Variants in KIR3DL2 observed in about 807,000 individuals in gnomAD.
The protein encoded by KIR3DL2 is killer cell immunoglobulin like receptor, three Ig domains and long cytoplasmic tail 2.
In KIR3DL2, 42 loss-of-function variants were observed where a neutral mutation model predicts 41.6. The observed-to-expected ratio is 1.01, with a 90% CI of 0.79 to 1.31. KIR3DL2 has a LOEUF of 1.31. KIR3DL2 is among the 50% of genes most tolerant of loss of function. KIR3DL2 has a pLI of 0.00. For synonymous variants in KIR3DL2, 230 were observed against 221.3 expected (o/e 1.04, Z -0.35); for missense variants, 728 against 576.8 (o/e 1.26, Z -2.68).
chr19:54,866,179 A>G (rs952154758), intron 7 of KIR3DL2, among the ~76,000 whole-genome samples, 191 bp from the exon 8 acceptor site: 3 of 152,042 alleles, frequency 2.0e-5, no homozygotes, highest in African/African-American at 7.2e-5. Flanking sequence ...GACAGAATCA[A>G]TGGGATGCCA....
rs1172682897 is a variant in KIR3DL2 at position 54,866,584 on chromosome 19, A to G, written c.1221A>G (p.Ile407Met). 6.2e-7 allele frequency: 1 copy of G among 1,614,024 alleles called. No homozygotes were observed. The highest frequency in any genetic ancestry group is 1.7e-5 in the Admixed American group (1 of 60,018). ...TYAQLDHCVF[I>M]QRKISRPSQR... The stretch of plus-strand genomic sequence containing the variant: ...CACAGTTGGATCACTGCGTTTTCAT[A>G]CAGAGAAAAATCAGTCGCCCTTCTC... Residue 407 changes from isoleucine (I) to methionine (M), a missense_variant, in exon 9 of 9, where the codon ATA (isoleucine) becomes ATG (methionine). Transcript: ENST00000326321.
chr19:54,851,704 C>T (rs1468058328), intron 2 of KIR3DL2, among the ~76,000 whole-genome samples: 2 of 151,720 alleles, frequency 1.3e-5, no homozygotes, highest in Non-Finnish European at 2.9e-5. Context: ...GCTGATATTC[C>T]ATTCACATAG....
chr19:54,865,432 G>A (rs537037331), intron 6 of KIR3DL2, among the ~76,000 whole-genome samples: 29 of 152,058 alleles, frequency 1.9e-4, no homozygotes, highest in African/African-American at 4.6e-4. Flanking sequence ...CCAGCCCTCC[G>A]GGAACTAATA....
chr19:54,850,471 G>A lies in KIR3DL2; in HGVS notation c.-5G>A. 1 of 1,608,464 alleles carries A rather than the reference G, an allele frequency of 6.2e-7. No individual in the cohort carries two copies. The highest frequency in any genetic ancestry group is 8.5e-7 in the Non-Finnish European group (1 of 1,179,824). On this transcript the variant is annotated 5_prime_UTR_variant, in exon 1 of 9. Coordinates refer to ENST00000326321, the MANE Select transcript of KIR3DL2 (RefSeq NM_006737.4). ...GCGCGGCCTCCTGTCTGCACCGGCA[G>A]CACCATGTCGCTCACGGTCGTCAGC...
In KIR3DL2 at chr19:54,855,719, C is replaced by G. The variant is rs374110425; in HGVS notation, c.756C>G (p.Ile252Met). The change falls in exon 5 of 9, where the codon ATC becomes ATG. Residue 252 changes from isoleucine to methionine, a missense_variant. Physicochemically the swap from Ile to Met is conservative, Grantham distance 10. Transcript: ENST00000326321. ...LSCSSWSSYD[I>M]YHLSREGEAH... Reference sequence around the variant, plus strand: ...GTAGCTCCTGGAGCTCCTATGACATCTACCATCTGTCCAGGGAAGGGGAGG... The same window carrying G: ...GTAGCTCCTGGAGCTCCTATGACATGTACCATCTGTCCAGGGAAGGGGAGG... 1,598 of 1,612,856 alleles carry G rather than the reference C, an allele frequency of 9.9e-4. 34 individuals carry two copies. Among genetic ancestry groups the G allele is most frequent in the East Asian group, 9.6e-3 (430 of 44,862 alleles).
At chr19:54,853,482 G>A (rs1408254943) in intron 3 of KIR3DL2, among the ~76,000 whole-genome samples, 1 of 151,690 alleles carries the variant, frequency 6.6e-6, no homozygotes, top group Admixed American at 6.5e-5. Context: ...AGAGACTAGT[G>A]GGAAAGAGAT....
intron 7 of KIR3DL2, 68 bp downstream of exon 7, chr19:54,865,977 G>T (rs1241427373): frequency 7.2e-7 from 1 of 1,392,426 alleles, no homozygotes; most frequent in Non-Finnish European, 1.0e-6. Flanking sequence ...GAGCACGCGG[G>T]TGTGTGTTCC....
intron 1 of KIR3DL2, 114 bp from the exon 2 acceptor site, chr19:54,851,106 A>C: frequency 1.5e-6 from 2 of 1,356,106 alleles, no homozygotes; most frequent in South Asian, 1.2e-5. Flanking sequence ...AGGGAGGCTA[A>C]GTTTACCTTC....
intron 4 of KIR3DL2, among the ~76,000 whole-genome samples, chr19:54,854,459 C>T (rs2064569809): frequency 6.6e-6 from 1 of 151,736 alleles, no homozygotes; most frequent in African/African-American, 2.4e-5. Context: ...GGCCCTGTGG[C>T]CTCAGGCCTT....
chr19:54,864,764 C>A (rs577813457), intron 6 of KIR3DL2, among the ~76,000 whole-genome samples: 2 of 152,040 alleles, frequency 1.3e-5, no homozygotes, highest in Admixed American at 1.3e-4. Context: ...TGGGCTGAGA[C>A]AATGGGGTTT....
chr19:54,856,908 T>C (rs1364262772), intron 5 of KIR3DL2, among the ~76,000 whole-genome samples: 1 of 152,132 alleles, frequency 6.6e-6, no homozygotes, highest in African/African-American at 2.4e-5. Flanking sequence ...ACCGTGTGTG[T>C]GTACTACAGT....
chr19:54,863,843 A>T (rs1056087628), intron 6 of KIR3DL2, among the ~76,000 whole-genome samples: 3 of 152,020 alleles, frequency 2.0e-5, no homozygotes, highest in Non-Finnish European at 4.4e-5. Flanking sequence ...TTTGCTGTGC[A>T]GAAGCTCTTT....
At chr19:54,855,064 AT>A (rs1292873700) in intron 4 of KIR3DL2, among the ~76,000 whole-genome samples, 2 of 149,400 alleles carry the variant, frequency 1.3e-5, no homozygotes, top group Non-Finnish European at 3.0e-5. Flanking sequence ...GATGATGAAG[AT>A]AGATAGAAGA....
At chr19:54,866,241 T>C in intron 7 of KIR3DL2, 129 bp from the exon 8 acceptor site, 1 of 892,452 alleles carries the variant, frequency 1.1e-6, no homozygotes, top group South Asian at 1.5e-5. Flanking sequence ...ATAGAATGTC[T>C]GAGTCTGGAT....
chr19:54,860,177 C>A (rs2065072617), intron 6 of KIR3DL2, among the ~76,000 whole-genome samples: 2 of 151,974 alleles, frequency 1.3e-5, no homozygotes, highest in Admixed American at 1.3e-4. Flanking sequence ...GAGGCTAGGA[C>A]ATGGACATTT....
At chr19:54,851,180 T>G in intron 1 of KIR3DL2, 40 bp from the exon 2 acceptor site, 1 of 1,608,882 alleles carries the variant, frequency 6.2e-7, no homozygotes, top group South Asian at 1.1e-5. Flanking sequence ...TGCCCTGGTT[T>G]GCCTGCAGTT....
Position 54,866,757 on chromosome 19 carries a change from C to T in KIR3DL2, c.*26C>T, listed in dbSNP as rs2065561164. ...GGAGACAACAGCCCTGTCTCAAAACCAGGTTGCCAGATCCAATGAACCAGC... is the reference window on the plus strand; with the variant it reads ...GGAGACAACAGCCCTGTCTCAAAACTAGGTTGCCAGATCCAATGAACCAGC... On this transcript the variant is annotated 3_prime_UTR_variant, in exon 9 of 9. Transcript: ENST00000326321. The T allele has an allele frequency of 1.9e-6, 3 of 1,609,934 alleles. No individual in the cohort carries two copies. In the East Asian group the frequency reaches 6.7e-5, roughly 36 times the overall value.
rs2915989 is a variant in KIR3DL2 at position 54,866,713 on chromosome 19, T to C, written c.1350T>C (p.Gly450=). The change falls in exon 9 of 9, where the codon GGT becomes GGC. Residue 450 remains glycine (G), a synonymous_variant. Transcript: ENST00000326321. ...CCTGCCCACGAGCACCACAGTCAGG[T>C]CTTGAGGGGGTTTTCTAGGGAGACA... is the stretch of plus-strand genomic sequence containing the variant. ...VVSCPRAPQS[G]LEGVF is the part of the protein sequence containing the mutation. 5 of 1,613,580 alleles carry C rather than the reference T, an allele frequency of 3.1e-6. No homozygotes were observed. The highest frequency in any genetic ancestry group is 1.3e-5 in the African/African-American group (1 of 74,910).
intron 2 of KIR3DL2, among the ~76,000 whole-genome samples, chr19:54,851,530 G>T (rs2064236184): frequency 6.6e-6 from 1 of 151,468 alleles, no homozygotes; most frequent in African/African-American, 2.4e-5. Context: ...GCAGTGCTAG[G>T]AACAGCAGGT....
Sources: gnomAD v4.1 joint callset for allele counts (sites outside exome capture counted in the v4.1 genomes callset) on GRCh38, gnomAD v4.1.1 for gene constraint, MANE v1.5 for transcripts, NCBI Gene and HGNC (gene_info 2026-07-23, HGNC 2026-07-21) for gene names.